Variants in LRP1 observed in about 807,000 individuals in gnomAD.
LRP1 encodes the protein LDL receptor related protein 1.
In LRP1, 51 loss-of-function variants were observed where a neutral mutation model predicts 541.5. That is an observed-to-expected ratio of 0.09 (90% CI 0.08 to 0.12). The LOEUF (loss-of-function observed/expected upper bound fraction) is 0.12, where lower values mean the gene tolerates loss of function less well. Ranked by LOEUF, LRP1 falls within the 10% of genes least tolerant of loss-of-function variation. LRP1 has a pLI of 1.00. For missense variants in LRP1, 3,878 were observed against 6,376.2 expected (o/e 0.61, Z 13.34); for synonymous variants, 2,219 against 2,470.8 (o/e 0.90, Z 3.02).
intron 18 of LRP1, 131 bp from the exon 19 acceptor site, chr12:57,167,312 CG>C: frequency 1.4e-6 from 1 of 720,212 alleles, no homozygotes; most frequent in Non-Finnish European, 2.5e-6. Flanking sequence ...GGCACTGCTG[CG>C]GGGCCTTCCC....
rs1800188 is a variant in LRP1 at position 57,194,708 on chromosome 12, C to T, written c.8191+9C>T. The T allele has an allele frequency of 0.039, 59,710 of 1,541,568 alleles. 2,096 individuals are homozygous for T. Among genetic ancestry groups the T allele is most frequent in the East Asian group, 0.2 (8,822 of 44,200 alleles). On this transcript the variant is annotated intron_variant, in intron 50 of 88. Transcript: ENST00000243077. ...GGACGAGACCCACTGCAGTGAGTGA[C>T]CACTGCACCCACTCAGTGCTCCAAG...
intron 6 of LRP1, chr12:57,146,469 A>G (rs1453548044): frequency 1.3e-5 from 2 of 152,194 alleles, no homozygotes; most frequent in Non-Finnish European, 2.9e-5. Context: ...GAAGTTGAGG[A>G]TTGTGAACCT....
rs1249402415 is a variant in LRP1 at position 57,203,235 on chromosome 12, C to T, written c.10766C>T (p.Ala3589Val). Residue 3589 changes from alanine to valine, a missense_variant, in exon 69 of 89, where the codon GCG (alanine) becomes GTG (valine). Physicochemically the swap from Ala to Val is moderately conservative, Grantham distance 64. Transcript: ENST00000243077. ...TCCTGTGCCAACGGCCGCTGCATCG[C>T]GGGGCGCTGGAAATGCGATGGAGAC... ...EFSCANGRCI[A>V]GRWKCDGDHD... 1.2e-6 allele frequency: 2 copies of T among 1,611,250 alleles called. No individual in the cohort carries two copies. The highest frequency in any genetic ancestry group is 1.7e-6 in the Non-Finnish European group (2 of 1,178,806).
Position 57,162,841 on chromosome 12 carries a change from A to G in LRP1, c.2405-17A>G, listed in dbSNP as rs1460570433. On this transcript the variant is annotated splice_polypyrimidine_tract_variant and intron_variant, in intron 14 of 88. Coordinates refer to ENST00000243077, the MANE Select transcript of LRP1 (RefSeq NM_002332.3). The surrounding 1 kb of genome is among the most constrained non-coding windows in gnomAD (Gnocchi z 5.2). ...CCTCTTCCTCCCTTTGCCTTTCCCC[A>G]TGGCCCTTCCCCACAGTTGGCACCA... The G allele has an allele frequency of 1.2e-6, 2 of 1,600,142 alleles. No homozygotes were observed. Among genetic ancestry groups the G allele is most frequent in the South Asian group, 1.1e-5 (1 of 88,554 alleles).
chr12:57,136,014 C>G (rs1289502043), intron 1 of LRP1, among the ~76,000 whole-genome samples: 1 of 152,202 alleles, frequency 6.6e-6, no homozygotes, highest in East Asian at 1.9e-4. Context: ...TTTCTGGGCT[C>G]CAAACATCTC....
intron 47 of LRP1, 86 bp from the exon 48 acceptor site, chr12:57,193,813 C>G (rs1800186): frequency 3.9e-5 from 62 of 1,590,512 alleles, no homozygotes; most frequent in Non-Finnish European, 4.8e-5. Context: ...AGGGCAGGTG[C>G]TGTGGGCCAG....
At chr12:57,135,186 G>A in intron 1 of LRP1, among the ~76,000 whole-genome samples, 1 of 152,218 alleles carries the variant, frequency 6.6e-6, no homozygotes, top group East Asian at 1.9e-4. Flanking sequence ...AGTGGCTGGT[G>A]GTTAGCAAGG....
rs755328610 is a variant in LRP1 at position 57,192,823 on chromosome 12, C to G, written c.7430-22C>G. On this transcript the variant is annotated intron_variant, in intron 44 of 88. Transcript: ENST00000243077. ...CAGCAGAGAACACTCTCCAGCCCTGCGCCCACCCTGTCCCTGCTCAGGTGA... is the reference window on the plus strand; with the variant it reads ...CAGCAGAGAACACTCTCCAGCCCTGGGCCCACCCTGTCCCTGCTCAGGTGA... The G allele has an allele frequency of 2.5e-6, 4 of 1,613,928 alleles. No individual in the cohort carries two copies. In the Admixed American group the frequency reaches 6.7e-5, roughly 27 times the overall value.
intron 11 of LRP1, 137 bp from the exon 12 acceptor site, chr12:57,159,688 G>A: frequency 1.4e-6 from 1 of 739,438 alleles, no homozygotes; most frequent in Non-Finnish European, 2.3e-6. Context: ...CCACCCATCT[G>A]TCTAGGGCCC....
At position 57,156,939 on chromosome 12, in the gene LRP1, G is replaced by A. The variant is rs1451671878; in HGVS notation, c.1561+19G>A. ...TGCAAGAGTGAGTGACAGGGAAGGGGGTGTGTGCCCATTGGGAGGCTGCGG... is the reference window on the plus strand; with the variant it reads ...TGCAAGAGTGAGTGACAGGGAAGGGAGTGTGTGCCCATTGGGAGGCTGCGG... On this transcript the variant is annotated intron_variant, in intron 10 of 88. Coordinates refer to ENST00000243077, the MANE Select transcript of LRP1 (RefSeq NM_002332.3). This position sits in a 1 kb window ranked among gnomAD's most constrained non-coding sequence, Gnocchi z 5.2. 6.4e-7 allele frequency: 1 copy of A among 1,552,286 alleles called. No individual in the cohort carries two copies. The highest frequency in any genetic ancestry group is 1.7e-5 in the Admixed American group (1 of 58,792).
In LRP1 at chr12:57,208,726, A is replaced by G. The variant is rs147772602; in HGVS notation, c.12054A>G (p.Ser4018=). Reference sequence around the variant, plus strand: ...CCCTCCCCAGGACCATGTACTGGTCAGACTGGGGCAACCACCCCAAGATTG... The same window carrying G: ...CCCTCCCCAGGACCATGTACTGGTCGGACTGGGGCAACCACCCCAAGATTG... ...VDPLRGTMYW[S]DWGNHPKIET... The change falls in exon 78 of 89, where the codon TCA becomes TCG. Residue 4018 remains serine (S), a synonymous_variant. Transcript: ENST00000243077. 2.3e-5 allele frequency: 37 copies of G among 1,613,474 alleles called. No homozygotes were observed. The African/African-American group carries it at 4.7e-4, about 20-fold the overall frequency.
intron 1 of LRP1, among the ~76,000 whole-genome samples, chr12:57,132,511 T>C (rs1366749526): frequency 6.6e-6 from 1 of 152,192 alleles, no homozygotes; most frequent in Admixed American, 6.5e-5. Flanking sequence ...CCCACCCTAC[T>C]CTAGGCTCAG....
Position 57,158,306 on chromosome 12 carries a change from C to T in LRP1, c.1562-96C>T. On this transcript the variant is annotated intron_variant, in intron 10 of 88. Coordinates refer to ENST00000243077, the MANE Select transcript of LRP1 (RefSeq NM_002332.3). This position sits in a 1 kb window ranked among gnomAD's most constrained non-coding sequence, Gnocchi z 5.3. ...GCATCCCTAACGTCTCCTGACCCAT[C>T]ACAGCTAGGGCATTGCAGCCCCTTG... is the stretch of plus-strand genomic sequence containing the variant. 1 of 996,722 alleles carries T rather than the reference C, an allele frequency of 1.0e-6. No individual in the cohort carries two copies. The highest frequency in any genetic ancestry group is 3.0e-4 in the Middle Eastern group (1 of 3,284). The allele number at this position is 996,722 out of a possible 1,614,324, so 61.7% of individuals were successfully genotyped here.
At chr12:57,194,064 G>C in intron 48 of LRP1, 52 bp downstream of exon 48, 1 of 1,495,944 alleles carries the variant, frequency 6.7e-7, no homozygotes, top group Non-Finnish European at 9.3e-7. Context: ...ATCGCTCACT[G>C]CATCTCCCGC....
Position 57,205,111 on chromosome 12 carries a change from C to T in LRP1, c.11197C>T (p.Pro3733Ser). 1.2e-6 allele frequency: 2 copies of T among 1,612,638 alleles called. No individual in the cohort carries two copies. Among genetic ancestry groups the T allele is most frequent in the Non-Finnish European group, 1.7e-6 (2 of 1,179,304 alleles). Residue 3733 changes from proline to serine, a missense_variant and splice_region_variant, in exon 73 of 89, where the codon CCC becomes TCC. Transcript: ENST00000243077. This position sits in a 1 kb window ranked among gnomAD's most constrained non-coding sequence, Gnocchi z 4.6. ...CCTAAAGCCTCTGCCCTCCTCAGAG[C>T]CCCCCACAGCCCACACCACCCACTG... is the stretch of plus-strand genomic sequence containing the variant. ...GDGTDEEDCE[P>S]PTAHTTHCKD... is the part of the protein sequence containing the mutation.
Position 57,194,633 on chromosome 12 carries a change from A to G in LRP1, c.8125A>G (p.Ile2709Val), listed in dbSNP as rs1264886525. ...CTTCGCCTGCCCTAGTGGGCGCTGC[A>G]TCCCCATGAGCTGGACGTGTGACAA... Reference protein sequence around the residue: ...NYFACPSGRCIPMSWTCDKED... With the variant: ...NYFACPSGRCVPMSWTCDKED... Residue 2709 changes from isoleucine to valine, a missense_variant, in exon 50 of 89, where the codon ATC becomes GTC. Transcript: ENST00000243077. The G allele has an allele frequency of 6.2e-7, 1 of 1,609,358 alleles. No homozygotes were observed. The highest frequency in any genetic ancestry group is 1.7e-5 in the Admixed American group (1 of 59,354).
Position 57,145,398 on chromosome 12 carries a change from G to C in LRP1, c.749G>C (p.Ser250Thr). The C allele has an allele frequency of 6.2e-7, 1 of 1,614,202 alleles. No individual in the cohort carries two copies. The highest frequency in any genetic ancestry group is 2.2e-5 in the East Asian group (1 of 44,886). ...ETVCWVHVGD[S>T]AAQTQLKCAR... ...GTATGCTGGGTGCATGTTGGGGACA[G>C]TGCTGCTCAGACGCAGCTCAAGTGT... is the stretch of plus-strand genomic sequence containing the variant. Residue 250 changes from serine to threonine, a missense_variant, in exon 6 of 89, where the codon AGT (serine) becomes ACT (threonine). This residue lies in a region of LRP1 where 293 missense variants were observed against 403.7 expected (regional missense o/e 0.73). Transcript: ENST00000243077.
At chr12:57,152,597 GGGCCTT>G (rs1311366358) in intron 6 of LRP1, among the ~76,000 whole-genome samples, 1 of 152,188 alleles carries the variant, frequency 6.6e-6, no homozygotes, top group Non-Finnish European at 1.5e-5. Context: ...TCTTCCTACA[GGGCCTT>G]GGCCTCCTCA....
rs747081898 is a variant in LRP1 at position 57,200,764 on chromosome 12, A to G, written c.10174A>G (p.Ile3392Val). The G allele has an allele frequency of 1.2e-6, 2 of 1,613,870 alleles. No homozygotes were observed. The highest frequency in any genetic ancestry group is 1.7e-6 in the Non-Finnish European group (2 of 1,180,038). Residue 3392 changes from isoleucine to valine, a missense_variant, in exon 64 of 89, where the codon ATC (isoleucine) becomes GTC (valine). By Grantham distance (29) the Ile-to-Val change is conservative (BLOSUM62 3). Transcript: ENST00000243077. The part of the protein sequence containing the change: ...STGICTNPAF[I>V]CDGDNDCQDN... Reference sequence around the variant, plus strand: ...AGGTATCTGCACAAACCCTGCCTTCATCTGCGATGGCGACAATGACTGCCA... The same window carrying G: ...AGGTATCTGCACAAACCCTGCCTTCGTCTGCGATGGCGACAATGACTGCCA...
Sources: allele counts gnomAD v4.1 joint callset (sites outside exome capture counted in the v4.1 genomes callset), GRCh38; gene constraint gnomAD v4.1.1; regional missense constraint gnomAD v4.1.1; non-coding constraint Gnocchi (gnomAD v3.1); transcripts MANE v1.5; gene names NCBI Gene and HGNC (gene_info 2026-07-23, HGNC 2026-07-21).